Variants in B4GALNT3 observed in about 807,000 individuals in gnomAD.
B4GALNT3 encodes the protein beta-1,4-N-acetyl-galactosaminyltransferase 3, also known as beta-1,4-N-acetylgalactosaminyltransferase 3.
A neutral mutation model predicts 120.2 loss-of-function variants in B4GALNT3; 86 were observed. The ratio of observed to expected loss-of-function variants is 0.72; its 90% CI spans 0.60 to 0.86. The LOEUF (loss-of-function observed/expected upper bound fraction) is 0.86, where lower values mean the gene tolerates loss of function less well. B4GALNT3 is among the 40% of genes least tolerant of loss of function. The pLI is 0.00. For synonymous variants in B4GALNT3, 518 were observed against 510.4 expected (o/e 1.01, Z -0.20); for missense variants, 1,167 against 1,298.9 (o/e 0.90, Z 1.56).
chr12:533,458 A>G (rs147757482), intron 1 of B4GALNT3, among the ~76,000 whole-genome samples: 4 of 152,364 alleles, frequency 2.6e-5, no homozygotes, highest in Non-Finnish European at 4.4e-5. Flanking sequence ...CCCTGCAACC[A>G]TAACACGAGT....
At chr12:461,343 C>T (rs1946020850) in intron 1 of B4GALNT3, among the ~76,000 whole-genome samples, 1 of 152,198 alleles carries the variant, frequency 6.6e-6, no homozygotes, top group African/African-American at 2.4e-5. Flanking sequence ...TTCCGTGCCT[C>T]AGTTTCCTCC....
chr12:473,255 A>G (rs1014895114), intron 1 of B4GALNT3, among the ~76,000 whole-genome samples: 2 of 152,166 alleles, frequency 1.3e-5, no homozygotes, highest in Non-Finnish European at 2.9e-5. Flanking sequence ...GGCGTGAGCC[A>G]CCCCACTGCC....
intron 7 of B4GALNT3, 40 bp from the exon 8 acceptor site, chr12:547,984 T>C (rs1334195605): frequency 1.9e-6 from 3 of 1,571,760 alleles, no homozygotes; most frequent in Admixed American, 1.7e-5. Flanking sequence ...CCAGGGCCCA[T>C]GGAGATGGCG....
intron 3 of B4GALNT3, among the ~76,000 whole-genome samples, chr12:537,293 T>C (rs1946870861): frequency 6.6e-6 from 1 of 152,260 alleles, no homozygotes; most frequent in Non-Finnish European, 1.5e-5. Flanking sequence ...TTTTGGTTTT[T>C]TATTTTTTAG....
intron 1 of B4GALNT3, among the ~76,000 whole-genome samples, chr12:527,390 C>T (rs1037539142): frequency 3.3e-5 from 5 of 152,224 alleles, no homozygotes; most frequent in African/African-American, 1.2e-4. Flanking sequence ...TAGGTACAGT[C>T]CCTTGTGCCT....
At chr12:511,614 T>TC (rs1270190099) in intron 1 of B4GALNT3, among the ~76,000 whole-genome samples, 2 of 66,562 alleles carry the variant, frequency 3.0e-5, no homozygotes, top group Admixed American at 1.9e-4. Context: ...CCTTCGACCT[T>TC]CTTCCACCTT....
chr12:504,456 C>T (rs968544818), intron 1 of B4GALNT3, among the ~76,000 whole-genome samples: 19 of 151,004 alleles, frequency 1.3e-4, no homozygotes, highest in Non-Finnish European at 2.4e-4. Flanking sequence ...GCCGCCCCCC[C>T]GCCCCCGAAC....
intron 14 of B4GALNT3, among the ~76,000 whole-genome samples, chr12:556,019 G>A (rs1462491994): frequency 4.6e-5 from 7 of 151,262 alleles, no homozygotes; most frequent in Non-Finnish European, 7.4e-5. Context: ...TCCTGACCTT[G>A]TGATCCACCT....
intron 6 of B4GALNT3, among the ~76,000 whole-genome samples, chr12:545,768 T>G (rs1220709192): frequency 9.8e-5 from 3 of 30,698 alleles, no homozygotes; most frequent in Non-Finnish European, 1.8e-4. Context: ...AGTGGGGAGG[T>G]GAGAGGAGTG....
chr12:552,208 T>C (rs754439765), intron 12 of B4GALNT3, 45 bp downstream of exon 12: 3 of 1,520,336 alleles, frequency 2.0e-6, no homozygotes, highest in East Asian at 2.3e-5. Context: ...TGCAGAGGGC[T>C]CTGCGGGAGC....
intron 1 of B4GALNT3, among the ~76,000 whole-genome samples, chr12:479,292 G>A (rs937182936): frequency 6.6e-6 from 1 of 151,980 alleles, no homozygotes; most frequent in Non-Finnish European, 1.5e-5. Flanking sequence ...GCCATCATCC[G>A]ACCTCAGCCG....
Position 511,414 on chromosome 12 carries a change from CCTTCCACCTTCCACCTT to C in B4GALNT3, c.170-23733_170-23717del, listed in dbSNP as rs1161743856. ...CCTTCTGTCTTCCACCTTCCTTCCACCTTCCACCTTCCACCTTCTTCCACCTTCCACCTTCCACCTTC... is the reference window on the plus strand; with the variant it reads ...CCTTCTGTCTTCCACCTTCCTTCCACCTTCCACCTTCCACCTTCCACCTTC... On this transcript the variant is annotated intron_variant, in intron 1 of 19. Coordinates refer to ENST00000266383, the MANE Select transcript of B4GALNT3 (RefSeq NM_173593.4). Among the ~76,000 whole-genome samples, 91 of 109,098 alleles carry C rather than the reference CCTTCCACCTTCCACCTT, an allele frequency of 8.3e-4. 2 individuals carry two copies. The highest frequency in any genetic ancestry group is 4.6e-3 in the Middle Eastern group (1 of 216). The allele number at this position is 109,098 out of a possible 152,430, so 71.6% of individuals were successfully genotyped here. A position where few individuals can be genotyped will look rare whatever the true frequency, so the allele number is the denominator to read the frequency against.
In B4GALNT3 at chr12:487,812, G is replaced by A. The variant is rs571824671; in HGVS notation, c.169+27267G>A. Among the ~76,000 whole-genome samples, 23 of 151,920 alleles carry A rather than the reference G, an allele frequency of 1.5e-4. 1 individual carries two copies. The highest frequency in any genetic ancestry group is 5.5e-4 in the African/African-American group (23 of 41,450). ...CTACCAAAAAAAAATTTTAAAATTA[G>A]CCAGGCATGGTGACATGCGCCCAGC... On this transcript the variant is annotated intron_variant, in intron 1 of 19. Transcript: ENST00000266383.
At chr12:546,407 C>G (rs1308035014) in intron 6 of B4GALNT3, among the ~76,000 whole-genome samples, 1 of 152,032 alleles carries the variant, frequency 6.6e-6, no homozygotes, top group Non-Finnish European at 1.5e-5. Flanking sequence ...GGTGCTGACT[C>G]GCGCTGCAGG....
At chr12:517,700 T>C (rs1358772496) in intron 1 of B4GALNT3, among the ~76,000 whole-genome samples, 3 of 152,196 alleles carry the variant, frequency 2.0e-5, no homozygotes, top group Non-Finnish European at 4.4e-5. Context: ...TGCTCAGTGC[T>C]CAGTTATGTA....
chr12:508,279 T>C (rs1946516844), intron 1 of B4GALNT3, among the ~76,000 whole-genome samples: 1 of 152,088 alleles, frequency 6.6e-6, no homozygotes, highest in African/African-American at 2.4e-5. Context: ...CAACTTACTT[T>C]TGTTTTTTTT....
At chr12:546,918 C>T (rs1290825851) in intron 7 of B4GALNT3, 3 of 593,240 alleles carry the variant, frequency 5.1e-6, no homozygotes, top group Admixed American at 5.9e-5. Context: ...CCCAGAAGGC[C>T]GTGACTTATT....
intron 1 of B4GALNT3, among the ~76,000 whole-genome samples, chr12:486,996 A>C (rs1007132551): frequency 6.6e-6 from 1 of 152,202 alleles, no homozygotes; most frequent in African/African-American, 2.4e-5. Flanking sequence ...GGGAATTCTA[A>C]GAATGAATCA....
At chr12:538,897 G>A (rs1216641429) in intron 3 of B4GALNT3, among the ~76,000 whole-genome samples, 1 of 152,190 alleles carries the variant, frequency 6.6e-6, no homozygotes, top group African/African-American at 2.4e-5. Context: ...GAAGTTCCCA[G>A]GTTAATAATA....
Sources: gnomAD v4.1 joint callset for allele counts (sites outside exome capture counted in the v4.1 genomes callset) on GRCh38, gnomAD v4.1.1 for gene constraint, MANE v1.5 for transcripts, NCBI Gene and HGNC (gene_info 2026-07-23, HGNC 2026-07-21) for gene names.